The following NCKAP5 variants were observed in gnomAD, a reference collection of about 807,000 sequenced individuals.
NCKAP5 encodes NCK associated protein 5, also known as nck-associated protein 5.
Under a neutral mutation model 167.0 loss-of-function variants are expected in NCKAP5, and 92 were observed. That is an observed-to-expected ratio of 0.55 (90% CI 0.47 to 0.66). NCKAP5 has a LOEUF of 0.66. NCKAP5 is among the 30% of genes least tolerant of loss of function. The probability of loss-of-function intolerance (pLI) is 0.00; values close to 1 mark genes in which losing one functional copy is unlikely to be tolerated. For missense variants in NCKAP5, 2,378 were observed against 2,315.0 expected (o/e 1.03, Z -0.56); for synonymous variants, 891 against 877.4 (o/e 1.02, Z -0.27).
chr2:132,914,855 T>C (rs1694739392), intron 8 of NCKAP5, among the ~76,000 whole-genome samples: 3 of 151,896 alleles, frequency 2.0e-5, no homozygotes, highest in Admixed American at 2.0e-4. Flanking sequence ...GATATGTGTG[T>C]TTTGTGGCTT....
intron 4 of NCKAP5, among the ~76,000 whole-genome samples, chr2:133,260,934 A>G (rs1444200919): frequency 2.6e-5 from 4 of 152,198 alleles, no homozygotes; most frequent in South Asian, 2.1e-4. Context: ...CTTGATACAA[A>G]TTAAATTAGA....
chr2:133,239,457 A>G (rs1030617470), intron 4 of NCKAP5, among the ~76,000 whole-genome samples: 2 of 152,214 alleles, frequency 1.3e-5, no homozygotes, highest in African/African-American at 4.8e-5. Flanking sequence ...CTAGCAAATC[A>G]AGGAAACTCT....
chr2:133,636,762 A>G, the NCKAP5 span, among the ~76,000 whole-genome samples: 16 of 152,018 alleles, frequency 1.1e-4, no homozygotes, highest in East Asian at 3.1e-3. Context: ...GTCCCATTCC[A>G]AGGGCCTAGA....
chr2:133,573,447 G>C (rs1688939033), upstream of NCKAP5, among the ~76,000 whole-genome samples: 1 of 152,086 alleles, frequency 6.6e-6, no homozygotes. Context: ...TGCTGGGAGA[G>C]GAGGTGAGGG....
At chr2:132,904,015 G>A (rs567309178) in intron 8 of NCKAP5, among the ~76,000 whole-genome samples, 28 of 152,216 alleles carry the variant, frequency 1.8e-4, no homozygotes, top group South Asian at 1.2e-3. Flanking sequence ...ATGGCCCGGC[G>A]CGGTGGCTCA....
intron 6 of NCKAP5, among the ~76,000 whole-genome samples, chr2:133,085,673 A>G (rs1437138021): frequency 6.6e-6 from 1 of 152,124 alleles, no homozygotes; most frequent in Non-Finnish European, 1.5e-5. Context: ...TGGCAGTTAG[A>G]GCATGTGTTA....
intron 4 of NCKAP5, among the ~76,000 whole-genome samples, chr2:133,227,168 GT>G (rs1056816738): frequency 1.3e-5 from 2 of 152,116 alleles, no homozygotes; most frequent in Non-Finnish European, 2.9e-5. Context: ...TGCAAAGTGG[GT>G]TTTTTTCCAA....
chr2:133,475,306 G>A (rs1290289141), intron 3 of NCKAP5, among the ~76,000 whole-genome samples: 4 of 152,134 alleles, frequency 2.6e-5, no homozygotes, highest in South Asian at 2.1e-4. Flanking sequence ...CAGCATTCCC[G>A]ATGTCTGCCA....
intron 16 of NCKAP5, among the ~76,000 whole-genome samples, chr2:132,771,079 C>A (rs72844802): frequency 7.0e-6 from 1 of 142,868 alleles, no homozygotes; most frequent in African/African-American, 2.7e-5. Flanking sequence ...TAGACTGTAC[C>A]CCTTCCATTT....
At chr2:133,022,533 C>T (rs2078562213) in intron 6 of NCKAP5, among the ~76,000 whole-genome samples, 1 of 152,172 alleles carries the variant, frequency 6.6e-6, no homozygotes, top group African/African-American at 2.4e-5. Flanking sequence ...AATCTCCTCT[C>T]TGGGAATCTT....
chr2:133,233,509 A>G (rs150018152), intron 4 of NCKAP5, among the ~76,000 whole-genome samples: 44 of 152,308 alleles, frequency 2.9e-4, no homozygotes, highest in Admixed American at 2.4e-3. Flanking sequence ...TCATCCATAT[A>G]TAAACATCTA....
chr2:133,552,575 T>C (rs1687415394), intron 2 of NCKAP5, among the ~76,000 whole-genome samples: 1 of 123,720 alleles, frequency 8.1e-6, no homozygotes, highest in Non-Finnish European at 1.6e-5. Flanking sequence ...AAGGGGAATA[T>C]CACACTCTGC....
At chr2:133,618,514 C>G in the NCKAP5 span, among the ~76,000 whole-genome samples, 6 of 146,086 alleles carry the variant, frequency 4.1e-5, no homozygotes, top group Admixed American at 1.4e-4. Flanking sequence ...AGACACTTCT[C>G]AAAAGAAGAC....
chr2:133,417,481 C>T (rs1045526000), intron 3 of NCKAP5, among the ~76,000 whole-genome samples: 4 of 152,202 alleles, frequency 2.6e-5, no homozygotes, highest in African/African-American at 4.8e-5. Flanking sequence ...GGCAAGTGAC[C>T]GTGAACTGCC....
At chr2:132,937,290 G>A (rs574123927) in intron 8 of NCKAP5, among the ~76,000 whole-genome samples, 3 of 152,280 alleles carry the variant, frequency 2.0e-5, no homozygotes, top group African/African-American at 4.8e-5. Flanking sequence ...AACAACGACC[G>A]CATTTGCTGG....
chr2:133,133,623 G>T (rs978178599), intron 5 of NCKAP5, among the ~76,000 whole-genome samples: 4 of 152,206 alleles, frequency 2.6e-5, no homozygotes, highest in African/African-American at 9.6e-5. Flanking sequence ...CTGAAGAAAA[G>T]CTGTGAGTGG....
intron 5 of NCKAP5, among the ~76,000 whole-genome samples, chr2:133,165,557 A>G (rs1034307655): frequency 3.9e-5 from 6 of 152,224 alleles, no homozygotes; most frequent in Non-Finnish European, 1.5e-5. Flanking sequence ...ACAGAAGCAG[A>G]CTGACTTTCT....
chr2:132,823,401 C>T (rs1462418206), intron 11 of NCKAP5, among the ~76,000 whole-genome samples: 1 of 152,128 alleles, frequency 6.6e-6, no homozygotes, highest in Non-Finnish European at 1.5e-5. Context: ...AATCTTCAGC[C>T]TCCTGAAACA....
intron 3 of NCKAP5, among the ~76,000 whole-genome samples, chr2:133,397,674 C>T (rs1687818850): frequency 6.6e-6 from 1 of 152,094 alleles, no homozygotes; most frequent in South Asian, 2.1e-4. Flanking sequence ...ACAGGGTGTC[C>T]CCAAAACACA....
Sources: gnomAD v4.1 joint callset for allele counts (sites outside exome capture counted in the v4.1 genomes callset) on GRCh38, gnomAD v4.1.1 for gene constraint, MANE v1.5 for transcripts, NCBI Gene and HGNC (gene_info 2026-07-23, HGNC 2026-07-21) for gene names.